PDZRN4: variants seen among roughly 807,000 people sequenced by gnomAD.
The protein encoded by PDZRN4 is PDZ domain containing ring finger 4, also known as PDZ domain-containing RING finger protein 4.
PDZRN4 carries 70 observed loss-of-function variants against 99.0 expected under a neutral mutation model. That is an observed-to-expected ratio of 0.71 (90% CI 0.58 to 0.86). The LOEUF (loss-of-function observed/expected upper bound fraction) is 0.86, where lower values mean the gene tolerates loss of function less well. Among genes scored for constraint, PDZRN4 ranks in the 40% least tolerant of loss-of-function variants. The pLI, the probability that PDZRN4 is intolerant of heterozygous loss-of-function variation, is 0.00. For missense variants in PDZRN4, 1,474 were observed against 1,331.2 expected (o/e 1.11, Z -1.67); for synonymous variants, 551 against 501.6 (o/e 1.10, Z -1.32).
chr12:41,410,258 A>G (rs1816943318), intron 3 of PDZRN4, among the ~76,000 whole-genome samples: 2 of 152,188 alleles, frequency 1.3e-5, no homozygotes, highest in Admixed American at 6.5e-5. Context: ...TCTTTAGTGT[A>G]TTTGCTTAGA....
chr12:41,379,251 G>GTTTTTTTTTTTTTTT (rs57466011), intron 3 of PDZRN4, among the ~76,000 whole-genome samples: 2 of 131,012 alleles, frequency 1.5e-5, no homozygotes, highest in Non-Finnish European at 3.3e-5. Context: ...TCTATTTTCT[G>GTTTTTTTTTTTTTTT]TTTTTTTTTT....
At chr12:41,417,953 T>A (rs1004075258) in intron 3 of PDZRN4, among the ~76,000 whole-genome samples, 3 of 152,200 alleles carry the variant, frequency 2.0e-5, no homozygotes, top group African/African-American at 7.2e-5. Flanking sequence ...CTCCAATTCA[T>A]TGTCTTATTG....
intron 3 of PDZRN4, among the ~76,000 whole-genome samples, chr12:41,431,048 T>A (rs1952582606): frequency 6.6e-6 from 1 of 152,190 alleles, no homozygotes; most frequent in Non-Finnish European, 1.5e-5. Flanking sequence ...AAACCATTCA[T>A]GAAGTTGGTA....
At chr12:41,299,562 T>G (rs1951519698) in intron 3 of PDZRN4, among the ~76,000 whole-genome samples, 1 of 152,098 alleles carries the variant, frequency 6.6e-6, no homozygotes, top group African/African-American at 2.4e-5. Context: ...ATATTTATAG[T>G]GACACTGTTC....
intron 3 of PDZRN4, among the ~76,000 whole-genome samples, chr12:41,290,413 T>C (rs1345625072): frequency 6.6e-6 from 1 of 152,194 alleles, no homozygotes; most frequent in East Asian, 1.9e-4. Context: ...AATAGGTCAT[T>C]GATTTATCGC....
intron 3 of PDZRN4, among the ~76,000 whole-genome samples, chr12:41,415,069 A>G (rs1415201152): frequency 6.6e-6 from 1 of 152,168 alleles, no homozygotes; most frequent in African/African-American, 2.4e-5. Flanking sequence ...GACAGCCAGG[A>G]ATTCAATACA....
rs71081733 is a variant in PDZRN4 at position 41,378,520 on chromosome 12, A to ATTTTTTTTTTTTTTTTTTT, written c.844-127935_844-127917dup. On this transcript the variant is annotated intron_variant, in intron 3 of 9. Coordinates refer to ENST00000402685, the MANE Select transcript of PDZRN4 (RefSeq NM_001164595.2). ...TTTGGAAGTGCTCCTTCTGTCTTCA[A>ATTTTTTTTTTTTTTTTTTT]TTTTTTTTTTTTTTTTTTTGAGACA... 9.8e-4 allele frequency among the ~76,000 whole-genome samples: 101 copies of ATTTTTTTTTTTTTTTTTTT among 102,814 alleles called. 5 individuals carry two copies. The highest frequency in any genetic ancestry group is 3.6e-3 in the African/African-American group (96 of 26,736). 67.4% of individuals were successfully genotyped at this position (102,814 alleles called of 152,430 possible). A position where few individuals can be genotyped will look rare whatever the true frequency, so the allele number is the denominator to read the frequency against.
At chr12:41,216,550 A>C (rs1950922222) in intron 3 of PDZRN4, among the ~76,000 whole-genome samples, 1 of 152,056 alleles carries the variant, frequency 6.6e-6, no homozygotes, top group South Asian at 2.1e-4. Flanking sequence ...GTATCTTTTA[A>C]ATTAACTATT....
intron 3 of PDZRN4, among the ~76,000 whole-genome samples, chr12:41,396,896 G>GCACAC (rs1952249799): frequency 6.6e-6 from 1 of 152,122 alleles, no homozygotes; most frequent in Admixed American, 6.6e-5. Flanking sequence ...AAGATTAAGT[G>GCACAC]TGTGCACAGT....
intron 3 of PDZRN4, among the ~76,000 whole-genome samples, chr12:41,313,807 G>GTGAT (rs1190747031): frequency 1.3e-5 from 2 of 152,166 alleles, no homozygotes; most frequent in African/African-American, 4.8e-5. Context: ...TCATCATTTA[G>GTGAT]TGATTTTTGA....
chr12:41,472,256 G>A (rs1380392103), intron 3 of PDZRN4, among the ~76,000 whole-genome samples: 1 of 152,110 alleles, frequency 6.6e-6, no homozygotes, highest in Non-Finnish European at 1.5e-5. Flanking sequence ...ACCCACCTTG[G>A]CCTCCCAAAG....
chr12:41,239,316 T>C (rs1951088716), intron 3 of PDZRN4, among the ~76,000 whole-genome samples: 1 of 151,678 alleles, frequency 6.6e-6, no homozygotes, highest in African/African-American at 2.4e-5. Flanking sequence ...GCCTGTTGGG[T>C]GGAGGAATGT....
At chr12:41,509,218 A>G (rs1938262330) in intron 4 of PDZRN4, among the ~76,000 whole-genome samples, 1 of 152,124 alleles carries the variant, frequency 6.6e-6, no homozygotes, top group South Asian at 2.1e-4. Context: ...ATCGCCATGA[A>G]TGTTCTTTAA....
At chr12:41,295,883 T>C (rs1951490076) in intron 3 of PDZRN4, among the ~76,000 whole-genome samples, 1 of 152,106 alleles carries the variant, frequency 6.6e-6, no homozygotes, top group African/African-American at 2.4e-5. Context: ...CCCAAATAAA[T>C]CAGCAGTTTA....
intron 3 of PDZRN4, among the ~76,000 whole-genome samples, chr12:41,360,835 T>C (rs1245108305): frequency 6.6e-6 from 1 of 152,064 alleles, no homozygotes; most frequent in Non-Finnish European, 1.5e-5. Flanking sequence ...CATTGACAAT[T>C]ATCTGCCTTC....
chr12:41,244,809 C>G (rs958185027), intron 3 of PDZRN4, among the ~76,000 whole-genome samples: 2 of 149,130 alleles, frequency 1.3e-5, no homozygotes, highest in African/African-American at 2.5e-5. Context: ...CTCAGCCTCC[C>G]GAGTAGCTGG....
chr12:41,422,130 G>A (rs1174214078), intron 3 of PDZRN4, among the ~76,000 whole-genome samples: 1 of 152,060 alleles, frequency 6.6e-6, no homozygotes, highest in Non-Finnish European at 1.5e-5. Flanking sequence ...GCTTTCATTT[G>A]TAATTTTATT....
intron 3 of PDZRN4, among the ~76,000 whole-genome samples, chr12:41,469,725 A>G (rs751231018): frequency 3.9e-5 from 6 of 151,974 alleles, no homozygotes; most frequent in Non-Finnish European, 8.8e-5. Context: ...AGGTCAGGAG[A>G]TCGAGACCAT....
intron 3 of PDZRN4, among the ~76,000 whole-genome samples, chr12:41,353,641 G>A (rs1312855896): frequency 2.0e-5 from 3 of 152,144 alleles, no homozygotes; most frequent in East Asian, 3.9e-4. Flanking sequence ...GAGGAGGTGT[G>A]GCAAGCTGTG....
Sources: gnomAD v4.1 joint callset for allele counts (sites outside exome capture counted in the v4.1 genomes callset) on GRCh38, gnomAD v4.1.1 for gene constraint, MANE v1.5 for transcripts, NCBI Gene and HGNC (gene_info 2026-07-23, HGNC 2026-07-21) for gene names.